LAMB2: variants seen among roughly 807,000 people sequenced by gnomAD.
LAMB2 encodes the protein laminin subunit beta 2, also known as laminin subunit beta-2.
In LAMB2, 119 loss-of-function variants were observed where a neutral mutation model predicts 202.7. The observed-to-expected ratio is 0.59, with a 90% CI of 0.51 to 0.68. The LOEUF is 0.68. LAMB2 is among the 30% of genes least tolerant of loss of function. The pLI, the probability that LAMB2 is intolerant of heterozygous loss-of-function variation, is 0.00. For synonymous variants in LAMB2, 818 were observed against 902.2 expected, an observed-to-expected ratio of 0.91 and a Z score of 1.67; for missense variants, 2,124 against 2,410.6, an observed-to-expected ratio of 0.88 and a Z score of 2.49.
At chr3:49,124,347 C>G (rs1376144557) in intron 22 of LAMB2, 48 bp downstream of exon 22, 3 of 1,613,122 alleles carry the variant, frequency 1.9e-6, no homozygotes, top group South Asian at 2.2e-5. Flanking sequence ...GGAGATAAGA[C>G]AGACACCTGG....
chr3:49,123,885 G>A lies in LAMB2; in HGVS notation c.3640C>T (p.Arg1214Trp), dbSNP rs760524944. Residue 1214 changes from arginine to tryptophan, a missense_variant, in exon 24 of 32, where the codon CGG (arginine) becomes TGG (tryptophan). By Grantham distance (101) the Arg-to-Trp change is moderately radical. Coordinates refer to ENST00000305544, the MANE Select transcript of LAMB2 (RefSeq NM_002292.4). ...CCCGTCTGTTGCAACTCCTGCGCCC[G>A]CTGCTCTAGGCGCTGTGTACGGGCT... ...LAARTQRLEQRAQELQQTGVL... is the reference protein window; with the variant it reads ...LAARTQRLEQWAQELQQTGVL... 13 of 1,613,368 alleles carry A rather than the reference G, an allele frequency of 8.1e-6. No individual in the cohort carries two copies. In the South Asian group the frequency reaches 1.1e-4, roughly 14 times the overall value.
In LAMB2 at chr3:49,125,332, C is replaced by T. The variant is rs370603286; in HGVS notation, c.2641G>A (p.Gly881Arg). 2.5e-6 allele frequency: 4 copies of T among 1,613,978 alleles called. No individual in the cohort carries two copies. In the African/African-American group the frequency reaches 4.0e-5, roughly 16 times the overall value. Residue 881 changes from glycine to arginine, a missense_variant, in exon 19 of 32, where the codon GGG becomes AGG. By Grantham distance (125) the Gly-to-Arg change is moderately radical. Transcript: ENST00000305544. ...FPSCRPCVCN[G>R]HADECNTHTG... ...TGGGTGTTGCACTCATCTGCATGCC[C>T]ATTGCAGACACATGGCCGGCAGCTA...
rs373579757 is a variant in LAMB2, at chr3:49,130,207, C to T, written c.1225+24G>A. The T allele has an allele frequency of 2.2e-4, 349 of 1,613,016 alleles. No individual in the cohort carries two copies. Among genetic ancestry groups the T allele is most frequent in the Non-Finnish European group, 2.7e-4 (313 of 1,179,570 alleles). ...TCCTGCCCCAGGCTCAGCTTTCTCT[C>T]CCCGTGCCCAATCCCAGCCTCACAG... On this transcript the variant is annotated intron_variant, in intron 9 of 31. Coordinates refer to ENST00000305544, the MANE Select transcript of LAMB2 (RefSeq NM_002292.4). This position sits in a 1 kb window ranked among gnomAD's most constrained non-coding sequence, Gnocchi z 5.0.
intron 26 of LAMB2, 27 bp downstream of exon 26, chr3:49,123,105 C>T: frequency 6.2e-7 from 1 of 1,608,310 alleles, no homozygotes; most frequent in Non-Finnish European, 8.5e-7. Context: ...CTACACCCAC[C>T]TGCCCCACCC....
Position 49,129,753 on chromosome 3 carries a change from T to C in LAMB2, c.1406-37A>G. ...GAGAACCATCAGCACTTTGGGAAAC[T>C]GTGGCAGTGCTCATGTTCAGCTGAG... On this transcript the variant is annotated intron_variant, in intron 10 of 31. Coordinates refer to ENST00000305544, the MANE Select transcript of LAMB2 (RefSeq NM_002292.4). This position sits in a 1 kb window ranked among gnomAD's most constrained non-coding sequence, Gnocchi z 6.1. 1 of 1,609,936 alleles carries C rather than the reference T, an allele frequency of 6.2e-7. No homozygotes were observed. The highest frequency in any genetic ancestry group is 2.2e-5 in the East Asian group (1 of 44,862).
In LAMB2 at chr3:49,123,027, G is replaced by C; in HGVS notation, c.4250C>G (p.Pro1417Arg). 1 of 1,608,024 alleles carries C rather than the reference G, an allele frequency of 6.2e-7. No homozygotes were observed. The highest frequency in any genetic ancestry group is 1.3e-5 in the African/African-American group (1 of 75,038). ...ACCCCCACAAGGGCTTGTAGCACAG[G>C]GTGCATCCCCTGGTGCCCCACACAC... ...ELVCGAPGDA[P>R]CATSPCGGAG... The change falls in exon 27 of 32, where the codon CCC becomes CGC. Residue 1417 changes from proline to arginine, a missense_variant. Physicochemically the swap from Pro to Arg is moderately radical, Grantham distance 103. Transcript: ENST00000305544.
chr3:49,132,680 A>G lies in LAMB2; in HGVS notation c.77-17T>C, dbSNP rs759341329. On this transcript the variant is annotated splice_polypyrimidine_tract_variant and intron_variant, in intron 1 of 31. Transcript: ENST00000305544. The surrounding 1 kb of genome is among the most constrained non-coding windows in gnomAD (Gnocchi z 4.6). ...CAGCCAGCACTGGGGACAGTAGCTCAGTCAGTTCCGCTGAGTTCCTATCCA... is the reference window on the plus strand; with the variant it reads ...CAGCCAGCACTGGGGACAGTAGCTCGGTCAGTTCCGCTGAGTTCCTATCCA... 6.2e-7 allele frequency: 1 copy of G among 1,614,134 alleles called. No individual in the cohort carries two copies. Among genetic ancestry groups the G allele is most frequent in the East Asian group, 2.2e-5 (1 of 44,880 alleles).
In LAMB2 at chr3:49,130,117, C is replaced by A; in HGVS notation, c.1226-99G>T. ...AGGGATCCCACCCTGGATCCCTGGTCAAGTTCTATCCCAAGCCCCTAACCC... is the reference window on the plus strand; with the variant it reads ...AGGGATCCCACCCTGGATCCCTGGTAAAGTTCTATCCCAAGCCCCTAACCC... On this transcript the variant is annotated intron_variant, in intron 9 of 31. Coordinates refer to ENST00000305544, the MANE Select transcript of LAMB2 (RefSeq NM_002292.4). This position sits in a 1 kb window ranked among gnomAD's most constrained non-coding sequence, Gnocchi z 5.0. The A allele has an allele frequency of 6.3e-7, 1 of 1,577,220 alleles. No homozygotes were observed. Among genetic ancestry groups the A allele is most frequent in the South Asian group, 1.1e-5 (1 of 90,078 alleles).
rs1458247019 is a variant in LAMB2 at position 49,131,732 on chromosome 3, G to A, written c.460-9C>T. 1 of 1,612,776 alleles carries A rather than the reference G, an allele frequency of 6.2e-7. No individual in the cohort carries two copies. The highest frequency in any genetic ancestry group is 1.7e-5 in the Admixed American group (1 of 60,014). ...GCAGCAGGGCGAAATGTCTGGGTAG[G>A]GGGGCATAGCTGATCAGCAGGCACC... On this transcript the variant is annotated splice_polypyrimidine_tract_variant and intron_variant, in intron 4 of 31. Coordinates refer to ENST00000305544, the MANE Select transcript of LAMB2 (RefSeq NM_002292.4). The surrounding 1 kb of genome is among the most constrained non-coding windows in gnomAD (Gnocchi z 5.0).
In LAMB2 at chr3:49,122,815, G is replaced by A. The variant is rs2045358294; in HGVS notation, c.4462C>T (p.Gln1488Ter). ...TCCAGGGCTGCCTGGGCCCGCTGCT[G>A]TGCCTCGCTTGCCTGCCGACGAGTC... The part of the protein sequence containing the change: ...AETRRQASEA[Q>*]QRAQAALDKA... Residue 1488 changes from glutamine (Q) to a stop codon, truncating the protein, a stop_gained, in exon 27 of 32, where the codon CAG (glutamine) becomes TAG (stop). Coordinates refer to ENST00000305544, the MANE Select transcript of LAMB2 (RefSeq NM_002292.4). LOFTEE classifies it high-confidence loss of function. 1 of 1,613,592 alleles carries A rather than the reference G, an allele frequency of 6.2e-7. No homozygotes were observed. Among genetic ancestry groups the A allele is most frequent in the Non-Finnish European group, 8.5e-7 (1 of 1,180,024 alleles).
At position 49,126,643 on chromosome 3, in the gene LAMB2, A is replaced by G. The variant is rs2045419290; in HGVS notation, c.2019-146T>C. ...TTGCGTTGGGCTGCGCTAGGCCAAC[A>G]AACAGCTGGGCAGCCCAACAAAGAA... On this transcript the variant is annotated intron_variant, in intron 15 of 31. Transcript: ENST00000305544. 4.1e-6 allele frequency: 4 copies of G among 972,928 alleles called. No homozygotes were observed. The Admixed American group carries it at 9.1e-5, about 22-fold the overall frequency. 60.3% of individuals were successfully genotyped at this position (972,928 alleles called of 1,614,324 possible). A position where few individuals can be genotyped will look rare whatever the true frequency, so the allele number is the denominator to read the frequency against.
Position 49,125,792 on chromosome 3 carries a change from G to A in LAMB2, c.2443C>T (p.Leu815Phe), listed in dbSNP as rs754021239. Residue 815 changes from leucine to phenylalanine, a missense_variant, in exon 18 of 32, where the codon CTC (leucine) becomes TTC (phenylalanine). By Grantham distance (22) the Leu-to-Phe change is conservative (BLOSUM62 0). Transcript: ENST00000305544. ...KPGVVGRRCD[L>F]CAPGYYGFGP... Reference sequence around the variant, plus strand: ...AAGCCATAGTAGCCAGGGGCACAGAGGTCACAGCGGCGCCCAACCACTCCA... The same window carrying A: ...AAGCCATAGTAGCCAGGGGCACAGAAGTCACAGCGGCGCCCAACCACTCCA... 4 of 1,614,054 alleles carry A rather than the reference G, an allele frequency of 2.5e-6. No individual in the cohort carries two copies. Among genetic ancestry groups the A allele is most frequent in the African/African-American group, 2.7e-5 (2 of 74,914 alleles).
At position 49,131,129 on chromosome 3, in the gene LAMB2, G is replaced by A. The variant is rs121912488; in HGVS notation, c.736C>T (p.Arg246Trp). 5.0e-6 allele frequency: 8 copies of A among 1,613,262 alleles called. No individual in the cohort carries two copies. The highest frequency in any genetic ancestry group is 1.7e-5 in the Admixed American group (1 of 59,996). ...GTGTGTAGACGAGTCAGGTTCACCC[G>A]TAGGTTGGTGATCTTCAACAGGTCT... ...IQNLLKITNL[R>W]VNLTRLHTLG... Residue 246 changes from arginine (R) to tryptophan (W), a missense_variant, in exon 7 of 32, where the codon CGG (arginine) becomes TGG (tryptophan). This residue lies in a region of LAMB2 where 256 missense variants were observed against 356.1 expected (regional missense o/e 0.72). Coordinates refer to ENST00000305544, the MANE Select transcript of LAMB2 (RefSeq NM_002292.4). The surrounding 1 kb of genome is among the most constrained non-coding windows in gnomAD (Gnocchi z 5.0).
chr3:49,123,854 A>G lies in LAMB2; in HGVS notation c.3671T>C (p.Leu1224Pro), dbSNP rs376037354. ...CCAGAAGCTGCTCTCAAAGGCACCC[A>G]GCACACCCGTCTGTTGCAACTCCTG... The part of the protein sequence containing the change: ...RAQELQQTGV[L>P]GAFESSFWHM... Residue 1224 changes from leucine to proline, a missense_variant, in exon 24 of 32, where the codon CTG becomes CCG. Leu to Pro is a moderately conservative substitution (Grantham distance 98, BLOSUM62 -3). Transcript: ENST00000305544. The G allele has an allele frequency of 4.3e-6, 7 of 1,613,272 alleles. No homozygotes were observed. Among genetic ancestry groups the G allele is most frequent in the South Asian group, 1.1e-5 (1 of 91,092 alleles).
rs569870849 is a variant in LAMB2, at chr3:49,124,175, C to G, written c.3424+15G>C. On this transcript the variant is annotated intron_variant, in intron 23 of 31. Coordinates refer to ENST00000305544, the MANE Select transcript of LAMB2 (RefSeq NM_002292.4). The stretch of plus-strand genomic sequence containing the variant: ...GGAAGTCCTCCATCTACCCTGGCCC[C>G]GCTGGCTCCCTCACCATGGCACTGC... The G allele has an allele frequency of 3.1e-6, 5 of 1,614,176 alleles. No individual in the cohort carries two copies. The highest frequency in any genetic ancestry group is 4.2e-6 in the Non-Finnish European group (5 of 1,180,030).
At chr3:49,125,927 C>T (rs1428628319) in intron 17 of LAMB2, 37 bp from the exon 18 acceptor site, 7 of 1,613,954 alleles carry the variant, frequency 4.3e-6, no homozygotes, top group African/African-American at 1.3e-5. Context: ...CAGGCTGGGT[C>T]CCCACCTCTG....
Position 49,132,227 on chromosome 3 carries a change from T to C in LAMB2, c.386-38A>G. ...TCGGAAGTCAAGGACTCAAAGCTAC[T>C]GGTGGGCAGCCCTGCTCACTTTTGC... is the stretch of plus-strand genomic sequence containing the variant. On this transcript the variant is annotated intron_variant, in intron 3 of 31. Transcript: ENST00000305544. This position sits in a 1 kb window ranked among gnomAD's most constrained non-coding sequence, Gnocchi z 4.6. 2 of 1,614,190 alleles carry C rather than the reference T, an allele frequency of 1.2e-6. No individual in the cohort carries two copies. Among genetic ancestry groups the C allele is most frequent in the South Asian group, 1.1e-5 (1 of 91,082 alleles).
At position 49,129,840 on chromosome 3, in the gene LAMB2, C is replaced by T; in HGVS notation, c.1404G>A (p.Arg468=). Residue 468 remains arginine (R), a splice_region_variant and synonymous_variant, in exon 10 of 32, where the codon CGG becomes CGA. Coordinates refer to ENST00000305544, the MANE Select transcript of LAMB2 (RefSeq NM_002292.4). This position sits in a 1 kb window ranked among gnomAD's most constrained non-coding sequence, Gnocchi z 6.1. ...GLSISDRLGC[R]RCQCNARGTV... ...GAAGTTAGGGCAGGAGACACATACG[C>T]CGGCAGCCCAGACGGTCACTGATGC... The T allele has an allele frequency of 6.2e-7, 1 of 1,613,812 alleles. No individual in the cohort carries two copies. Among genetic ancestry groups the T allele is most frequent in the Non-Finnish European group, 8.5e-7 (1 of 1,180,022 alleles).
At position 49,131,723 on chromosome 3, in the gene LAMB2, T is replaced by C. The variant is rs765923228; in HGVS notation, c.460A>G (p.Thr154Ala). The C allele has an allele frequency of 6.2e-7, 1 of 1,613,006 alleles. No individual in the cohort carries two copies. The highest frequency in any genetic ancestry group is 2.2e-5 in the East Asian group (1 of 44,868). Reference sequence around the variant, plus strand: ...ACCAGCATGGCAGCAGGGCGAAATGTCTGGGTAGGGGGGCATAGCTGATCA... The same window carrying C: ...ACCAGCATGGCAGCAGGGCGAAATGCCTGGGTAGGGGGGCATAGCTGATCA... ...HFTHLIMTFK[T>A]FRPAAMLVER... Residue 154 changes from threonine (T) to alanine (A), a missense_variant and splice_region_variant, in exon 5 of 32, where the codon ACA (threonine) becomes GCA (alanine). Coordinates refer to ENST00000305544, the MANE Select transcript of LAMB2 (RefSeq NM_002292.4). The surrounding 1 kb of genome is among the most constrained non-coding windows in gnomAD (Gnocchi z 5.0).
Sources: allele counts gnomAD v4.1 joint callset, GRCh38; gene constraint gnomAD v4.1.1; regional missense constraint gnomAD v4.1.1; non-coding constraint Gnocchi (gnomAD v3.1); transcripts MANE v1.5; gene names NCBI Gene and HGNC (gene_info 2026-07-23, HGNC 2026-07-21).